Variants in DLGAP1 observed in about 807,000 individuals in gnomAD.
DLGAP1 encodes DLG associated protein 1, also known as disks large-associated protein 1.
DLGAP1 carries 11 observed loss-of-function variants against 90.8 expected under a neutral mutation model. The ratio of observed to expected loss-of-function variants is 0.12; its 90% CI spans 0.08 to 0.20. DLGAP1 has a LOEUF of 0.20. Ranked by LOEUF, DLGAP1 falls within the 10% of genes least tolerant of loss-of-function variation. The pLI is 1.00. For synonymous variants in DLGAP1, 558 were observed against 540.7 expected (o/e 1.03, Z -0.44); for missense variants, 1,050 against 1,333.8 (o/e 0.79, Z 3.31).
At chr18:3,805,230 T>C (rs2066509939) in intron 5 of DLGAP1, among the ~76,000 whole-genome samples, 1 of 152,218 alleles carries the variant, frequency 6.6e-6, no homozygotes, top group African/African-American at 2.4e-5. Context: ...CAGTGGCTTG[T>C]TGAAGTGGCG....
chr18:4,074,411 TGAGG>T (rs965134234), intron 2 of DLGAP1, among the ~76,000 whole-genome samples: 1 of 152,000 alleles, frequency 6.6e-6, no homozygotes, highest in African/African-American at 2.4e-5. Context: ...TAGAAGGAAA[TGAGG>T]GAGGGAGAAT....
At chr18:4,309,183 T>C (rs936459210) in intron 1 of DLGAP1, among the ~76,000 whole-genome samples, 2 of 152,184 alleles carry the variant, frequency 1.3e-5, no homozygotes, top group Non-Finnish European at 2.9e-5. Flanking sequence ...ATAGCATCCA[T>C]TGAGAATACA....
intron 2 of DLGAP1, among the ~76,000 whole-genome samples, chr18:4,112,341 A>C (rs1346014218): frequency 6.6e-6 from 1 of 152,068 alleles, no homozygotes; most frequent in Admixed American, 6.6e-5. Context: ...GGACTCCTAT[A>C]TGGTCTACCT....
intron 2 of DLGAP1, among the ~76,000 whole-genome samples, chr18:4,012,234 T>C (rs2074437561): frequency 6.6e-6 from 1 of 152,200 alleles, no homozygotes; most frequent in African/African-American, 2.4e-5. Flanking sequence ...GTGAATGTTC[T>C]AATACATCTG....
In DLGAP1 at chr18:4,033,864, G is replaced by A. The variant is rs566846256; in HGVS notation, c.-158-28663C>T. 2.0e-5 allele frequency among the ~76,000 whole-genome samples: 3 copies of A among 148,266 alleles called. No individual in the cohort carries two copies. The East Asian group carries it at 6.1e-4, about 30-fold the overall frequency. On this transcript the variant is annotated intron_variant, in intron 2 of 12. Coordinates refer to ENST00000315677, the MANE Select transcript of DLGAP1 (RefSeq NM_004746.4). ...AAATGATTCTCTGCCTCAGCCTCCC[G>A]AGTAGCCGGGACTACAGGTGCGTGC...
At chr18:3,772,158 TTC>T (rs2064599729) in intron 5 of DLGAP1, among the ~76,000 whole-genome samples, 3 of 126,224 alleles carry the variant, frequency 2.4e-5, no homozygotes, top group African/African-American at 6.9e-5. Flanking sequence ...TTCCTTCCCT[TTC>T]TTTCTCTCCT....
chr18:3,674,624 A>G (rs2060230027), intron 7 of DLGAP1, among the ~76,000 whole-genome samples: 1 of 151,936 alleles, frequency 6.6e-6, no homozygotes, highest in South Asian at 2.1e-4. Context: ...TATCTGTAAT[A>G]AATAATAATA....
intron 2 of DLGAP1, among the ~76,000 whole-genome samples, chr18:4,106,319 C>T (rs1052495606): frequency 2.0e-5 from 3 of 152,152 alleles, no homozygotes; most frequent in African/African-American, 7.2e-5. Context: ...TGGAAATTCA[C>T]CCCTTTTCCA....
At chr18:4,212,281 T>C (rs1377642331) in intron 1 of DLGAP1, among the ~76,000 whole-genome samples, 2 of 152,100 alleles carry the variant, frequency 1.3e-5, no homozygotes, top group East Asian at 1.9e-4. Flanking sequence ...GCCAGAGCTA[T>C]CTAGTCCTTA....
chr18:3,616,745 C>T (rs1417383269), intron 7 of DLGAP1, among the ~76,000 whole-genome samples: 1 of 151,728 alleles, frequency 6.6e-6, no homozygotes, highest in East Asian at 1.9e-4. Flanking sequence ...CAGAGGGAGA[C>T]CCTGTCTCAA....
At chr18:3,683,680 G>A (rs1448940582) in intron 7 of DLGAP1, among the ~76,000 whole-genome samples, 1 of 151,916 alleles carries the variant, frequency 6.6e-6, no homozygotes, top group East Asian at 1.9e-4. Context: ...GAGGAAATGA[G>A]GCATTAAGCA....
rs781326933 is a variant in DLGAP1 at position 3,969,482 on chromosome 18, A to G, written c.-73+35634T>C. ...GTAGGAAAAGAATATTAAAGAGAAA[A>G]GGGTGCTTGTTCTCGAAACAAAATA... On this transcript the variant is annotated intron_variant, in intron 3 of 12. Coordinates refer to ENST00000315677, the MANE Select transcript of DLGAP1 (RefSeq NM_004746.4). Among the ~76,000 whole-genome samples the G allele has an allele frequency of 1.3e-4, 20 of 152,308 alleles. No homozygotes were observed. The South Asian group carries it at 1.9e-3, about 14-fold the overall frequency.
At chr18:4,088,429 TTG>T (rs35217865) in intron 2 of DLGAP1, among the ~76,000 whole-genome samples, 47,420 of 148,310 alleles carry the variant, frequency 0.32, 7,499 homozygotes, top group South Asian at 0.34. Context: ...TAATTTTCCT[TTG>T]TGTGTGTGTG....
intron 3 of DLGAP1, among the ~76,000 whole-genome samples, chr18:3,993,959 T>G (rs2074018670): frequency 6.6e-6 from 1 of 152,210 alleles, no homozygotes. Flanking sequence ...TGTAAGACTT[T>G]CCCTCCACTG....
intron 1 of DLGAP1, among the ~76,000 whole-genome samples, chr18:4,416,911 T>G (rs942018134): frequency 6.6e-6 from 1 of 152,174 alleles, no homozygotes; most frequent in East Asian, 1.9e-4. Flanking sequence ...AAATGAAGTA[T>G]AACAAAACTA....
intron 3 of DLGAP1, among the ~76,000 whole-genome samples, chr18:3,975,476 T>C (rs1198566355): frequency 5.3e-5 from 8 of 152,138 alleles, no homozygotes. Flanking sequence ...TGTGGAGAAA[T>C]TGGAACCCTT....
chr18:3,691,304 T>G (rs1052751947), intron 7 of DLGAP1, among the ~76,000 whole-genome samples: 4 of 152,082 alleles, frequency 2.6e-5, no homozygotes, highest in African/African-American at 9.7e-5. Context: ...GGTGAACATC[T>G]GTAATCCTAG....
chr18:3,503,182 TATAGGAAGTAATTTTATC>T (rs71366671), intron 11 of DLGAP1, among the ~76,000 whole-genome samples: 32,921 of 152,028 alleles, frequency 0.22, 3,973 homozygotes, highest in Middle Eastern at 0.41. Flanking sequence ...TGTTTACTAA[TATAGGAAGTAATTTTATC>T]ATAGGAAGTA....
chr18:4,094,106 C>A (rs1210017046), intron 2 of DLGAP1, among the ~76,000 whole-genome samples: 1 of 152,006 alleles, frequency 6.6e-6, no homozygotes, highest in Non-Finnish European at 1.5e-5. Flanking sequence ...AACCCAGCCT[C>A]CAATTATGTC....
Sources: gnomAD v4.1 joint callset for allele counts (sites outside exome capture counted in the v4.1 genomes callset) on GRCh38, gnomAD v4.1.1 for gene constraint, MANE v1.5 for transcripts, NCBI Gene and HGNC (gene_info 2026-07-23, HGNC 2026-07-21) for gene names.